C17orf67: variants seen among roughly 807,000 people sequenced by gnomAD.
C17orf67 encodes the protein chromosome 17 open reading frame 67, also known as uncharacterized protein C17orf67.
C17orf67 carries 12 observed loss-of-function variants against 11.2 expected under a neutral mutation model. That is an observed-to-expected ratio of 1.07 (90% CI 0.68 to 1.73). The LOEUF (loss-of-function observed/expected upper bound fraction) is 1.73, where lower values mean the gene tolerates loss of function less well. Among genes scored for constraint, C17orf67 ranks in the 40% most tolerant of loss-of-function variants. The pLI is 0.00. For synonymous variants in C17orf67, 59 were observed against 46.9 expected (o/e 1.26, Z -1.05); for missense variants, 115 against 113.5 (o/e 1.01, Z -0.06).
At chr17:56,815,731 G>A (rs778478178) in intron 5 of C17orf67, 25 bp downstream of exon 5, 1 of 1,577,616 alleles carries the variant, frequency 6.3e-7, no homozygotes, top group Non-Finnish European at 8.6e-7. Context: ...CATAGAAATA[G>A]GCTGTTTTTG....
Position 56,795,319 on chromosome 17 carries a change from T to C in C17orf67, c.157-139A>G. The C allele has an allele frequency of 1.1e-5, 8 of 724,078 alleles. No homozygotes were observed. The South Asian group carries it at 1.3e-4, about 12-fold the overall frequency. 44.9% of individuals were successfully genotyped at this position (724,078 alleles called of 1,614,324 possible). On this transcript the variant is annotated intron_variant, in intron 6 of 7. Coordinates refer to ENST00000397861, the MANE Select transcript of C17orf67 (RefSeq NM_001085430.4). ...GAGAAGAAATCAACGGCCACACCCA[T>C]GCCTCTCTGTAGGGAAGACCAGTCA...
At chr17:56,810,537 T>C (rs958153095) in intron 6 of C17orf67, among the ~76,000 whole-genome samples, 5 of 152,100 alleles carry the variant, frequency 3.3e-5, no homozygotes, top group Admixed American at 3.3e-4. Flanking sequence ...CATCCCACCC[T>C]CTTCCCAAGC....
chr17:56,793,771 C>T (rs991396965), intron 7 of C17orf67, among the ~76,000 whole-genome samples: 1 of 152,180 alleles, frequency 6.6e-6, no homozygotes, highest in Non-Finnish European at 1.5e-5. Context: ...GCTTCCAGTG[C>T]TAAAAGACAA....
chr17:56,810,051 CCT>C (rs1200854650), intron 6 of C17orf67, among the ~76,000 whole-genome samples: 3 of 108,410 alleles, frequency 2.8e-5, no homozygotes, highest in Non-Finnish European at 6.9e-5. Flanking sequence ...CACACACACC[CCT>C]CACACACCCC....
At chr17:56,797,450 A>G (rs1046503055) in intron 6 of C17orf67, among the ~76,000 whole-genome samples, 1 of 152,104 alleles carries the variant, frequency 6.6e-6, no homozygotes, top group Non-Finnish European at 1.5e-5. Flanking sequence ...GCAGGGCCCA[A>G]TCAGAAGCCA....
intron 6 of C17orf67, among the ~76,000 whole-genome samples, chr17:56,795,586 T>G (rs1905197255): frequency 6.6e-6 from 1 of 152,214 alleles, no homozygotes; most frequent in Admixed American, 6.5e-5. Context: ...TCTGACTCAG[T>G]GGGTCTTGGG....
At chr17:56,813,430 C>A (rs1266154982) in intron 6 of C17orf67, among the ~76,000 whole-genome samples, 1 of 151,956 alleles carries the variant, frequency 6.6e-6, no homozygotes, top group Non-Finnish European at 1.5e-5. Flanking sequence ...TTGGTGATCC[C>A]AGACTTCAAT....
At position 56,795,073 on chromosome 17, in the gene C17orf67, A is replaced by T. The variant is rs1905184651; in HGVS notation, c.264T>A (p.His88Gln). The T allele has an allele frequency of 6.2e-7, 1 of 1,613,920 alleles. No homozygotes were observed. Among genetic ancestry groups the T allele is most frequent in the Non-Finnish European group, 8.5e-7 (1 of 1,179,850 alleles). The change falls in exon 7 of 8, where the codon CAT becomes CAA. Residue 88 changes from histidine (H) to glutamine (Q), a missense_variant. Coordinates refer to ENST00000397861, the MANE Select transcript of C17orf67 (RefSeq NM_001085430.4). ...GCTGGTCCTGATCCCCTTACACAGG[A>T]TGAATCCTGTTCCTGTCACAGTGGG... ...CKPHCDRNRI[H>Q]PV
At chr17:56,819,005 G>C (rs967849826) in intron 4 of C17orf67, among the ~76,000 whole-genome samples, 2 of 152,160 alleles carry the variant, frequency 1.3e-5, no homozygotes, top group Non-Finnish European at 2.9e-5. Context: ...GTAGCAGCAA[G>C]GATGAAATAG....
rs1354102899 is a variant in C17orf67, at chr17:56,814,915, C to T, written c.110G>A (p.Arg37Gln). Residue 37 changes from arginine (R) to glutamine (Q), a missense_variant, in exon 6 of 8, where the codon CGA (arginine) becomes CAA (glutamine). Transcript: ENST00000397861. ...TCCGGGTTTGCTTGGTCTATCCTGTCGCCGAGATCTTAGGAGCTGTTTGGC... is the reference window on the plus strand; with the variant it reads ...TCCGGGTTTGCTTGGTCTATCCTGTTGCCGAGATCTTAGGAGCTGTTTGGC... The part of the protein sequence containing the change: ...KQAKQLLRSR[R>Q]QDRPSKPGFP... 1 of 1,614,052 alleles carries T rather than the reference C, an allele frequency of 6.2e-7. No individual in the cohort carries two copies. The highest frequency in any genetic ancestry group is 1.7e-5 in the Admixed American group (1 of 60,020).
intron 4 of C17orf67, among the ~76,000 whole-genome samples, chr17:56,824,432 C>T (rs9894761): frequency 0.013 from 1,929 of 152,306 alleles, 41 homozygotes; most frequent in African/African-American, 0.044. Context: ...GCTATAGCAA[C>T]AGAAAACAGA....
At chr17:56,811,768 T>C (rs1905634417) in intron 6 of C17orf67, among the ~76,000 whole-genome samples, 1 of 152,224 alleles carries the variant, frequency 6.6e-6, no homozygotes, top group African/African-American at 2.4e-5. Flanking sequence ...ACGCACCACT[T>C]GACCCTCTCA....
chr17:56,800,340 C>G (rs955338864), intron 6 of C17orf67, among the ~76,000 whole-genome samples: 13 of 152,210 alleles, frequency 8.5e-5, no homozygotes, highest in African/African-American at 2.9e-4. Flanking sequence ...GCTGGGATTA[C>G]AGGCGTGAGC....
At chr17:56,799,719 A>G (rs1905275845) in intron 6 of C17orf67, among the ~76,000 whole-genome samples, 1 of 152,194 alleles carries the variant, frequency 6.6e-6, no homozygotes, top group African/African-American at 2.4e-5. Flanking sequence ...CTGTTGCTTC[A>G]CATCCTCACC....
chr17:56,797,507 T>C (rs1452455287), intron 6 of C17orf67, among the ~76,000 whole-genome samples: 1 of 152,048 alleles, frequency 6.6e-6, no homozygotes, highest in Non-Finnish European at 1.5e-5. Context: ...TCAGTCTCCT[T>C]GAGCACAGAG....
In C17orf67 at chr17:56,809,903, A is replaced by AC. The variant is rs553571543; in HGVS notation, c.156+4965dup. ...CCTCTCACACACACCCCTTACACAC[A>AC]CCCTTACACACACCCTCACACACCC... On this transcript the variant is annotated intron_variant, in intron 6 of 7. Transcript: ENST00000397861. 6.6e-3 allele frequency among the ~76,000 whole-genome samples: 766 copies of AC among 115,284 alleles called. 4 individuals carry two copies. The highest frequency in any genetic ancestry group is 0.02 in the South Asian group (66 of 3,262). 75.6% of individuals were successfully genotyped at this position (115,284 alleles called of 152,430 possible). A position where few individuals can be genotyped will look rare whatever the true frequency, so the allele number is the denominator to read the frequency against.
At chr17:56,792,675 G>C (rs957425959) in intron 7 of C17orf67, among the ~76,000 whole-genome samples, 2 of 105,238 alleles carry the variant, frequency 1.9e-5, no homozygotes, top group African/African-American at 3.1e-5. Flanking sequence ...TGGTGATGAT[G>C]GGGTTGATGG....
chr17:56,796,234 T>C (rs1251480644), intron 6 of C17orf67, among the ~76,000 whole-genome samples: 1 of 152,168 alleles, frequency 6.6e-6, no homozygotes, highest in Non-Finnish European at 1.5e-5. Context: ...ACACAAAAAC[T>C]TGTATACAGA....
rs72837329 is a variant in C17orf67 at position 56,795,078 on chromosome 17, T to C, written c.259A>G (p.Ile87Val). 226,530 of 1,612,898 alleles carry C rather than the reference T, an allele frequency of 0.14. 16,464 individuals are homozygous for C. The highest frequency in any genetic ancestry group is 0.17 in the South Asian group (15,087 of 91,008). Reference protein sequence around the residue: ...HCKPHCDRNRIHPV With the variant: ...HCKPHCDRNRVHPV ...TCCTGATCCCCTTACACAGGATGAA[T>C]CCTGTTCCTGTCACAGTGGGGTTTG... is the stretch of plus-strand genomic sequence containing the variant. The change falls in exon 7 of 8, where the codon ATT becomes GTT. Residue 87 changes from isoleucine to valine, a missense_variant. By Grantham distance (29) the Ile-to-Val change is conservative. Coordinates refer to ENST00000397861, the MANE Select transcript of C17orf67 (RefSeq NM_001085430.4).
Sources: gnomAD v4.1 joint callset for allele counts (sites outside exome capture counted in the v4.1 genomes callset) on GRCh38, gnomAD v4.1.1 for gene constraint, MANE v1.5 for transcripts, NCBI Gene and HGNC (gene_info 2026-07-23, HGNC 2026-07-21) for gene names.